The following NUBPL variants were observed in gnomAD, a reference collection of about 807,000 sequenced individuals.
NUBPL encodes iron-sulfur cluster transfer protein NUBPL.
In NUBPL, 31 loss-of-function variants were observed where a neutral mutation model predicts 45.7. That is an observed-to-expected ratio of 0.68 (90% confidence interval 0.51 to 0.92). NUBPL has a LOEUF of 0.92. NUBPL is among the 40% of genes least tolerant of loss of function. The probability of loss-of-function intolerance (pLI) is 0.00; values close to 1 mark genes in which losing one functional copy is unlikely to be tolerated. For missense variants in NUBPL, 401 were observed against 398.7 expected (o/e 1.01, Z -0.05); for synonymous variants, 144 against 140.9 (o/e 1.02, Z -0.15).
intron 4 of NUBPL, among the ~76,000 whole-genome samples, chr14:31,613,462 T>A (rs2034815422): frequency 6.6e-6 from 1 of 152,172 alleles, no homozygotes; most frequent in South Asian, 2.1e-4. Flanking sequence ...TTGGATTTTT[T>A]TTTTTTTGAG....
intron 8 of NUBPL, among the ~76,000 whole-genome samples, chr14:31,837,711 T>A (rs1283537811): frequency 6.6e-6 from 1 of 152,082 alleles, no homozygotes; most frequent in African/African-American, 2.4e-5. Flanking sequence ...AGAAGACATA[T>A]AATCAATTGA....
rs538572004 is a variant in NUBPL, at chr14:31,785,263, A to G, written c.514-2517A>G. Reference sequence around the variant, plus strand: ...ATCTGGATATCTAAATCAGGGACCAAATAATTTTGTATAGTAAGGCAGGGG... The same window carrying G: ...ATCTGGATATCTAAATCAGGGACCAGATAATTTTGTATAGTAAGGCAGGGG... On this transcript the variant is annotated intron_variant, in intron 6 of 10. Coordinates refer to ENST00000281081, the MANE Select transcript of NUBPL (RefSeq NM_025152.3). 2.0e-5 allele frequency among the ~76,000 whole-genome samples: 3 copies of G among 152,222 alleles called. No homozygotes were observed. The South Asian group carries it at 6.2e-4, about 31-fold the overall frequency.
chr14:31,739,607 G>A (rs946054136), intron 6 of NUBPL, among the ~76,000 whole-genome samples: 1 of 152,080 alleles, frequency 6.6e-6, no homozygotes, highest in African/African-American at 2.4e-5. Context: ...CCTACGATCA[G>A]CATCCTCCAC....
intron 7 of NUBPL, among the ~76,000 whole-genome samples, chr14:31,820,689 T>G (rs1246673615): frequency 1.3e-5 from 2 of 150,766 alleles, no homozygotes; most frequent in Non-Finnish European, 2.9e-5. Flanking sequence ...CTGGGCATGG[T>G]GGTGGGCGCC....
At chr14:31,638,784 G>A (rs535043034) in intron 4 of NUBPL, among the ~76,000 whole-genome samples, 16 of 151,708 alleles carry the variant, frequency 1.1e-4, no homozygotes, top group South Asian at 2.1e-4. Context: ...GGCTTTGTTC[G>A]TTTCTATTCT....
At chr14:31,684,273 T>C (rs2036903172) in intron 6 of NUBPL, among the ~76,000 whole-genome samples, 1 of 152,226 alleles carries the variant, frequency 6.6e-6, no homozygotes, top group African/African-American at 2.4e-5. Flanking sequence ...CCTAGTGTCA[T>C]GTACATGGGT....
intron 3 of NUBPL, among the ~76,000 whole-genome samples, chr14:31,573,496 A>G (rs1178889727): frequency 6.6e-6 from 1 of 152,166 alleles, no homozygotes; most frequent in Admixed American, 6.5e-5. Context: ...GCATGTGTAA[A>G]ACCAAACTCT....
intron 6 of NUBPL, among the ~76,000 whole-genome samples, chr14:31,715,610 CA>C (rs1312664630): frequency 6.6e-6 from 1 of 152,068 alleles, no homozygotes; most frequent in East Asian, 1.9e-4. Context: ...AGGAAAGGTA[CA>C]ATAAAAATAC....
intron 4 of NUBPL, among the ~76,000 whole-genome samples, chr14:31,638,136 G>A (rs936478003): frequency 6.6e-6 from 1 of 151,150 alleles, no homozygotes; most frequent in East Asian, 1.9e-4. Context: ...TCATTATGAT[G>A]TTAGCTGCTT....
At chr14:31,824,372 T>A (rs2040064617) in intron 7 of NUBPL, among the ~76,000 whole-genome samples, 1 of 152,130 alleles carries the variant, frequency 6.6e-6, no homozygotes, top group African/African-American at 2.4e-5. Flanking sequence ...GGAAAGATAA[T>A]CTTCCCGCAC....
chr14:31,654,523 C>T (rs533974055), intron 4 of NUBPL, among the ~76,000 whole-genome samples: 1 of 152,076 alleles, frequency 6.6e-6, no homozygotes, highest in Non-Finnish European at 1.5e-5. Flanking sequence ...ATTCTCCTGC[C>T]TCAGCCTCCA....
At chr14:31,772,346 A>G (rs949972490) in intron 6 of NUBPL, among the ~76,000 whole-genome samples, 1 of 152,174 alleles carries the variant, frequency 6.6e-6, no homozygotes, top group African/African-American at 2.4e-5. Context: ...TTTGTAATAT[A>G]TTAGGCCTTT....
At chr14:31,672,206 T>C (rs913245971) in intron 4 of NUBPL, among the ~76,000 whole-genome samples, 12 of 152,168 alleles carry the variant, frequency 7.9e-5, no homozygotes, top group Non-Finnish European at 1.3e-4. Context: ...TGGATTTTTA[T>C]ACTTTTTAAG....
chr14:31,630,494 C>T (rs2035313736), intron 4 of NUBPL, among the ~76,000 whole-genome samples: 1 of 152,152 alleles, frequency 6.6e-6, no homozygotes, highest in South Asian at 2.1e-4. Context: ...TTCTTGTTGA[C>T]ATTTATAGAT....
At chr14:31,740,634 A>G (rs1483006959) in intron 6 of NUBPL, among the ~76,000 whole-genome samples, 1 of 152,160 alleles carries the variant, frequency 6.6e-6, no homozygotes, top group Non-Finnish European at 1.5e-5. Context: ...TGTCTTATGC[A>G]GAGCAGAAAT....
intron 6 of NUBPL, among the ~76,000 whole-genome samples, chr14:31,700,174 T>A (rs1200905028): frequency 6.6e-6 from 1 of 152,244 alleles, no homozygotes; most frequent in East Asian, 1.9e-4. Flanking sequence ...ATTTCCCAGT[T>A]ACCCAGAACA....
At chr14:31,592,701 C>G (rs527930017) in intron 3 of NUBPL, among the ~76,000 whole-genome samples, 12 of 152,110 alleles carry the variant, frequency 7.9e-5, no homozygotes, top group African/African-American at 2.4e-4. Context: ...GGTCCCAAGG[C>G]TTAGTAGCAA....
chr14:31,708,654 T>G (rs1347673840), intron 6 of NUBPL, among the ~76,000 whole-genome samples: 1 of 152,156 alleles, frequency 6.6e-6, no homozygotes, highest in Non-Finnish European at 1.5e-5. Context: ...GGACAGGAGA[T>G]TAACAATGAG....
At chr14:31,813,152 A>G (rs2039845364) in intron 7 of NUBPL, among the ~76,000 whole-genome samples, 1 of 151,684 alleles carries the variant, frequency 6.6e-6, no homozygotes, top group Admixed American at 6.6e-5. Flanking sequence ...ACGCCTGGCT[A>G]ATTTTTTTGT....
Sources: allele counts gnomAD v4.1 joint callset (sites outside exome capture counted in the v4.1 genomes callset), GRCh38; gene constraint gnomAD v4.1.1; transcripts MANE v1.5; gene names NCBI Gene and HGNC (gene_info 2026-07-23, HGNC 2026-07-21).